Variants in SH3BGRL2 observed in about 807,000 individuals in gnomAD.
The protein encoded by SH3BGRL2 is SH3 domain binding glutamate rich protein like 2.
In SH3BGRL2, 21 loss-of-function variants were observed where a neutral mutation model predicts 14.8. The observed-to-expected ratio is 1.42, with a 90% CI of 1.01 to 2.05. The LOEUF is 2.05. Among genes scored for constraint, SH3BGRL2 ranks in the 30% most tolerant of loss-of-function variants. The pLI is 0.00. For missense variants in SH3BGRL2, 147 were observed against 130.8 expected, an observed-to-expected ratio of 1.12 and a Z score of -0.61; for synonymous variants, 50 against 47.8, an observed-to-expected ratio of 1.05 and a Z score of -0.19.
At position 79,639,435 on chromosome 6, in the gene SH3BGRL2, A is replaced by G. The variant is rs148891341; in HGVS notation, c.45+7929A>G. 5.2e-3 allele frequency among the ~76,000 whole-genome samples: 786 copies of G among 152,182 alleles called. 9 individuals are homozygous for G. Among genetic ancestry groups the G allele is most frequent in the African/African-American group, 0.018 (736 of 41,508 alleles). Reference sequence around the variant, plus strand: ...AAAACCCCATCTCTACAAAAAATATAAAAATTAGCGGGGCATGGTGGCATG... The same window carrying G: ...AAAACCCCATCTCTACAAAAAATATGAAAATTAGCGGGGCATGGTGGCATG... On this transcript the variant is annotated intron_variant, in intron 1 of 3. Coordinates refer to ENST00000369838, the MANE Select transcript of SH3BGRL2 (RefSeq NM_031469.4).
intron 1 of SH3BGRL2, among the ~76,000 whole-genome samples, chr6:79,662,775 A>C (rs1168137488): frequency 6.6e-6 from 1 of 152,200 alleles, no homozygotes; most frequent in African/African-American, 2.4e-5. Context: ...CATCACTTTC[A>C]GGTACACCAA....
chr6:79,615,919 A>C, the SH3BGRL2 span, among the ~76,000 whole-genome samples: 70,547 of 148,698 alleles, frequency 0.47, 16,992 homozygotes, highest in East Asian at 0.77. Context: ...CAGGTTCAAG[A>C]GATTCTCCTG....
chr6:79,583,667 A>G, the SH3BGRL2 span, among the ~76,000 whole-genome samples: 1 of 152,174 alleles, frequency 6.6e-6, no homozygotes, highest in Non-Finnish European at 1.5e-5. Flanking sequence ...GCATTAGGAG[A>G]AATACCTAAT....
chr6:79,678,913 G>A (rs952326538), intron 2 of SH3BGRL2, among the ~76,000 whole-genome samples: 3 of 152,120 alleles, frequency 2.0e-5, no homozygotes, highest in Admixed American at 6.5e-5. Flanking sequence ...GATTACGGCT[G>A]CCAGTTCCAT....
chr6:79,540,992 C>G, the SH3BGRL2 span, among the ~76,000 whole-genome samples: 1 of 152,092 alleles, frequency 6.6e-6, no homozygotes, highest in Non-Finnish European at 1.5e-5. Flanking sequence ...GTGGCTCATG[C>G]CTGTAATCCC....
chr6:79,547,965 A>C, the SH3BGRL2 span, among the ~76,000 whole-genome samples: 1 of 152,148 alleles, frequency 6.6e-6, no homozygotes, highest in Non-Finnish European at 1.5e-5. Context: ...TCCTAGGCTC[A>C]AGCAGTCCTC....
At chr6:79,551,176 A>G in the SH3BGRL2 span, among the ~76,000 whole-genome samples, 1 of 152,234 alleles carries the variant, frequency 6.6e-6, no homozygotes, top group Non-Finnish European at 1.5e-5. Context: ...TTTTGAAGGA[A>G]TATTTCTAAT....
At chr6:79,577,301 T>C in the SH3BGRL2 span, among the ~76,000 whole-genome samples, 3 of 150,608 alleles carry the variant, frequency 2.0e-5, no homozygotes, top group Non-Finnish European at 4.5e-5. Context: ...TGAAATCAGG[T>C]AGTGTAAGTT....
At chr6:79,618,072 C>A in the SH3BGRL2 span, among the ~76,000 whole-genome samples, 2 of 152,066 alleles carry the variant, frequency 1.3e-5, no homozygotes, top group African/African-American at 4.8e-5. Flanking sequence ...ATTATAATTT[C>A]TTCTTTATTT....
At chr6:79,653,942 A>G (rs1582720683) in intron 1 of SH3BGRL2, among the ~76,000 whole-genome samples, 2 of 152,308 alleles carry the variant, frequency 1.3e-5, no homozygotes, top group Admixed American at 1.3e-4. Flanking sequence ...AGTACTTTTC[A>G]GTATTCTGTT....
At chr6:79,582,663 G>C in the SH3BGRL2 span, among the ~76,000 whole-genome samples, 3 of 150,648 alleles carry the variant, frequency 2.0e-5, no homozygotes, top group East Asian at 5.8e-4. Context: ...TTAAATGTTA[G>C]ACCTAAAACC....
chr6:79,585,044 CTT>C, the SH3BGRL2 span, among the ~76,000 whole-genome samples: 99 of 134,952 alleles, frequency 7.3e-4, no homozygotes, highest in South Asian at 0.01. Context: ...CAAAACCCAC[CTT>C]TTTTTTTTAA....
chr6:79,565,284 A>G, the SH3BGRL2 span, among the ~76,000 whole-genome samples: 1 of 152,194 alleles, frequency 6.6e-6, no homozygotes, highest in Non-Finnish European at 1.5e-5. Flanking sequence ...AGGCTCCCTC[A>G]ATGACCTTTA....
At chr6:79,656,597 T>C (rs1769423893) in intron 1 of SH3BGRL2, among the ~76,000 whole-genome samples, 1 of 152,036 alleles carries the variant, frequency 6.6e-6, no homozygotes, top group Non-Finnish European at 1.5e-5. Context: ...ATGAAAAATA[T>C]TCAGAAGAAA....
At chr6:79,648,255 C>CGCATATATATATATATATATATATAT (rs749278658) in intron 1 of SH3BGRL2, among the ~76,000 whole-genome samples, 3 of 62,472 alleles carry the variant, frequency 4.8e-5, no homozygotes, top group Non-Finnish European at 8.7e-5. Context: ...ATTCTTTTGG[C>CGCATATATATATATATATATATATAT]ATATATATAT....
intron 1 of SH3BGRL2, among the ~76,000 whole-genome samples, chr6:79,655,633 T>C (rs1266538051): frequency 6.6e-6 from 1 of 152,180 alleles, no homozygotes; most frequent in African/African-American, 2.4e-5. Flanking sequence ...CTAATCTGCT[T>C]TCTGTCTACA....
chr6:79,582,822 A>C, the SH3BGRL2 span, among the ~76,000 whole-genome samples: 1 of 152,240 alleles, frequency 6.6e-6, no homozygotes. Flanking sequence ...GCACGGCAAA[A>C]GAAACTACCA....
At chr6:79,583,712 A>G in the SH3BGRL2 span, among the ~76,000 whole-genome samples, 3 of 152,196 alleles carry the variant, frequency 2.0e-5, no homozygotes, top group African/African-American at 2.4e-5. Flanking sequence ...GCAAACCAAC[A>G]TGGCACATGT....
chr6:79,547,549 G>A, the SH3BGRL2 span, among the ~76,000 whole-genome samples: 7 of 152,090 alleles, frequency 4.6e-5, no homozygotes, highest in Admixed American at 2.6e-4. Context: ...GGGCCATCGC[G>A]TAAGAAGCTG....
Sources: allele counts gnomAD v4.1 joint callset (sites outside exome capture counted in the v4.1 genomes callset), GRCh38; gene constraint gnomAD v4.1.1; transcripts MANE v1.5; gene names NCBI Gene and HGNC (gene_info 2026-07-23, HGNC 2026-07-21).